PDE4D: variants seen among roughly 807,000 people sequenced by gnomAD.
The protein encoded by PDE4D is 3',5'-cyclic-AMP phosphodiesterase 4D.
PDE4D carries 24 observed loss-of-function variants against 87.4 expected under a neutral mutation model. That is an observed-to-expected ratio of 0.27 (90% CI 0.20 to 0.39). The LOEUF (loss-of-function observed/expected upper bound fraction) is 0.39, where lower values mean the gene tolerates loss of function less well. Ranked by LOEUF, PDE4D falls within the 10% of genes least tolerant of loss-of-function variation. The pLI, the probability that PDE4D is intolerant of heterozygous loss-of-function variation, is 1.00. For synonymous variants in PDE4D, 384 were observed against 383.2 expected (o/e 1.00, Z -0.02); for missense variants, 714 against 1,041.0 (o/e 0.69, Z 4.32).
chr5:59,302,208 C>T (rs154221), intron 1 of PDE4D, among the ~76,000 whole-genome samples: 28,804 of 151,976 alleles, frequency 0.19, 3,484 homozygotes, highest in East Asian at 0.47. Flanking sequence ...ACAGTTCCCC[C>T]AAGAAGGATG....
At chr5:59,745,038 C>T (rs950997519) in intron 1 of PDE4D, among the ~76,000 whole-genome samples, 4 of 152,120 alleles carry the variant, frequency 2.6e-5, no homozygotes, top group East Asian at 1.9e-4. Context: ...CATTGATTAC[C>T]AAACTGAATT....
intron 1 of PDE4D, among the ~76,000 whole-genome samples, chr5:59,386,642 CAAGA>C (rs138229777): frequency 9.2e-6 from 1 of 108,698 alleles, no homozygotes; most frequent in Non-Finnish European, 1.7e-5. Context: ...AGGACCTTGT[CAAGA>C]AAGAAAGAAA....
intron 1 of PDE4D, among the ~76,000 whole-genome samples, chr5:59,284,336 A>T (rs1157220860): frequency 6.6e-6 from 1 of 152,158 alleles, no homozygotes; most frequent in African/African-American, 2.4e-5. Context: ...CATTCTTGGT[A>T]GAGCACAAGG....
Position 59,618,584 on chromosome 5 carries a change from GA to G in PDE4D, c.455+274583del, listed in dbSNP as rs557276858. Among the ~76,000 whole-genome samples, 32 of 152,124 alleles carry G rather than the reference GA, an allele frequency of 2.1e-4. No individual in the cohort carries two copies. The South Asian group carries it at 5.2e-3, about 25-fold the overall frequency. ...TATATATTATCATATTTATCCTCTA[GA>G]AAAAAATGTTCTGAGCATTGTGTGA... is the stretch of plus-strand genomic sequence containing the variant. On this transcript the variant is annotated intron_variant, in intron 1 of 14. Transcript: ENST00000340635.
chr5:59,710,913 CT>C (rs1754110994), intron 1 of PDE4D, among the ~76,000 whole-genome samples: 2 of 152,098 alleles, frequency 1.3e-5, no homozygotes, highest in Non-Finnish European at 2.9e-5. Flanking sequence ...TAACAATAGC[CT>C]AATAAGGTAC....
At chr5:59,636,428 A>G (rs1363247660) in intron 1 of PDE4D, among the ~76,000 whole-genome samples, 1 of 152,212 alleles carries the variant, frequency 6.6e-6, no homozygotes, top group African/African-American at 2.4e-5. Flanking sequence ...TGCCAAGACA[A>G]TCCTAAGCAA....
At chr5:59,121,540 AAAT>A (rs1237759519) in intron 5 of PDE4D, among the ~76,000 whole-genome samples, 1 of 151,914 alleles carries the variant, frequency 6.6e-6, no homozygotes, top group African/African-American at 2.4e-5. Flanking sequence ...AAAATGCAAA[AAAT>A]AATAAAAAAT....
intron 1 of PDE4D, among the ~76,000 whole-genome samples, chr5:59,594,329 T>C (rs966924509): frequency 6.8e-6 from 1 of 147,280 alleles, no homozygotes; most frequent in African/African-American, 2.5e-5. Context: ...TATTTATTTA[T>C]TTATTTATTT....
At chr5:59,446,102 GC>G (rs1404268842) in intron 1 of PDE4D, among the ~76,000 whole-genome samples, 27 of 152,040 alleles carry the variant, frequency 1.8e-4, no homozygotes, top group African/African-American at 6.5e-4. Flanking sequence ...AAAAATAGCT[GC>G]AAAGACAATT....
intron 2 of PDE4D, among the ~76,000 whole-genome samples, chr5:60,034,995 C>A (rs1767633483): frequency 6.6e-6 from 1 of 152,144 alleles, no homozygotes; most frequent in Non-Finnish European, 1.5e-5. Flanking sequence ...GTGGCTCACA[C>A]CTGTAATCCC....
chr5:59,856,898 C>G (rs1028168984), intron 1 of PDE4D, among the ~76,000 whole-genome samples: 5 of 152,000 alleles, frequency 3.3e-5, no homozygotes, highest in African/African-American at 1.2e-4. Flanking sequence ...GAGTATTAGT[C>G]CTTTTTTTTC....
At chr5:60,096,079 C>T (rs1277638451) in intron 2 of PDE4D, among the ~76,000 whole-genome samples, 1 of 152,114 alleles carries the variant, frequency 6.6e-6, no homozygotes, top group Non-Finnish European at 1.5e-5. Context: ...TTTTGCCGTG[C>T]AGAAGCTCTT....
At chr5:59,559,850 A>G (rs1048253031) in intron 1 of PDE4D, among the ~76,000 whole-genome samples, 1 of 152,216 alleles carries the variant, frequency 6.6e-6, no homozygotes, top group Admixed American at 6.5e-5. Flanking sequence ...AGGGCTAAGT[A>G]CGTTCACAAA....
chr5:59,367,621 G>A (rs1331752027), intron 1 of PDE4D, among the ~76,000 whole-genome samples: 1 of 152,194 alleles, frequency 6.6e-6, no homozygotes, highest in Non-Finnish European at 1.5e-5. Context: ...GAGATGTAAA[G>A]TAGTGAGAGA....
chr5:59,272,565 TA>T (rs1374832936), intron 1 of PDE4D, among the ~76,000 whole-genome samples: 1 of 152,074 alleles, frequency 6.6e-6, no homozygotes, highest in African/African-American at 2.4e-5. Flanking sequence ...ATAAATACTA[TA>T]ATCACTTTCT....
At chr5:60,384,508 C>T (rs1762071396) in intron 1 of PDE4D, among the ~76,000 whole-genome samples, 1 of 152,180 alleles carries the variant, frequency 6.6e-6, no homozygotes, top group African/African-American at 2.4e-5. Flanking sequence ...CTTGCCAAGC[C>T]TCTCTGCAGT....
At chr5:60,445,012 C>T (rs907686052) in intron 1 of PDE4D, among the ~76,000 whole-genome samples, 16 of 151,754 alleles carry the variant, frequency 1.1e-4, no homozygotes, top group African/African-American at 3.9e-4. Flanking sequence ...GCAAAGGGCT[C>T]ATTTTTAGTT....
At chr5:60,026,535 G>T (rs1365786000) in intron 2 of PDE4D, among the ~76,000 whole-genome samples, 1 of 152,128 alleles carries the variant, frequency 6.6e-6, no homozygotes, top group Non-Finnish European at 1.5e-5. Flanking sequence ...TGAACCGAAT[G>T]TATGTGATTA....
At chr5:59,823,308 C>T (rs1769926343) in intron 1 of PDE4D, among the ~76,000 whole-genome samples, 1 of 152,158 alleles carries the variant, frequency 6.6e-6, no homozygotes, top group Admixed American at 6.5e-5. Context: ...AAGCAATTTC[C>T]CCCACATTTC....
Sources: gnomAD v4.1 joint callset for allele counts (sites outside exome capture counted in the v4.1 genomes callset) on GRCh38, gnomAD v4.1.1 for gene constraint, MANE v1.5 for transcripts, NCBI Gene and HGNC (gene_info 2026-07-23, HGNC 2026-07-21) for gene names.